Variants in CLIP1 observed in about 807,000 individuals in gnomAD.
CLIP1 encodes the protein CAP-Gly domain-containing linker protein 1.
In CLIP1, 66 loss-of-function variants were observed where a neutral mutation model predicts 161.6. The observed-to-expected ratio is 0.41, with a 90% CI of 0.33 to 0.50. The LOEUF is 0.50. Ranked by LOEUF, CLIP1 falls within the 20% of genes least tolerant of loss-of-function variation. The probability of loss-of-function intolerance (pLI) is 0.27; values close to 1 mark genes in which losing one functional copy is unlikely to be tolerated. For missense variants in CLIP1, 1,376 were observed against 1,702.0 expected, an observed-to-expected ratio of 0.81 and a Z score of 3.37; for synonymous variants, 598 against 626.2, an observed-to-expected ratio of 0.96 and a Z score of 0.67.
chr12:122,290,799 A>C (rs1324322896), intron 20 of CLIP1, among the ~76,000 whole-genome samples: 1 of 152,112 alleles, frequency 6.6e-6, no homozygotes, highest in African/African-American at 2.4e-5. Context: ...CTTCTGGTCC[A>C]GGATTATTAC....
intron 2 of CLIP1, among the ~76,000 whole-genome samples, chr12:122,378,317 C>T (rs543024560): frequency 6.6e-5 from 10 of 152,252 alleles, no homozygotes; most frequent in Non-Finnish European, 1.2e-4. Flanking sequence ...AAACTCCTGA[C>T]CTCAGGTGAA....
intron 1 of CLIP1, among the ~76,000 whole-genome samples, chr12:122,403,437 T>C (rs1028668427): frequency 6.7e-6 from 1 of 149,716 alleles, no homozygotes; most frequent in Non-Finnish European, 1.5e-5. Context: ...TCAAAGCACA[T>C]GAAAGGAACC....
intron 20 of CLIP1, among the ~76,000 whole-genome samples, chr12:122,307,895 C>T (rs1251714431): frequency 6.6e-6 from 1 of 152,228 alleles, no homozygotes; most frequent in Non-Finnish European, 1.5e-5. Context: ...CACATTATTT[C>T]TCCTTCTGAG....
chr12:122,388,673 A>G (rs886989848), intron 1 of CLIP1, among the ~76,000 whole-genome samples: 1 of 152,050 alleles, frequency 6.6e-6, no homozygotes, highest in Non-Finnish European at 1.5e-5. Context: ...GGCTCAAGTG[A>G]TTCACGAACC....
chr12:122,297,879 A>T (rs1950533132), intron 20 of CLIP1, among the ~76,000 whole-genome samples: 1 of 152,162 alleles, frequency 6.6e-6, no homozygotes, highest in South Asian at 2.1e-4. Context: ...CCCATCAGGG[A>T]TCACCACAAC....
At chr12:122,337,786 T>G (rs1593102774) in intron 11 of CLIP1, among the ~76,000 whole-genome samples, 1 of 151,648 alleles carries the variant, frequency 6.6e-6, no homozygotes, top group Admixed American at 6.6e-5. Flanking sequence ...GAGGCAGAGG[T>G]GGGCGGATCA....
In CLIP1 at chr12:122,370,962, AAAAAAAAG is replaced by A. The variant is rs1385112349; in HGVS notation, c.657+6419_657+6426del. Among the ~76,000 whole-genome samples the A allele has an allele frequency of 5.6e-4, 63 of 112,650 alleles. No homozygotes were observed. In the East Asian group the frequency reaches 1.0e-2, roughly 18 times the overall value. The allele number at this position is 112,650 out of a possible 152,430, so 73.9% of individuals were successfully genotyped here. A position where few individuals can be genotyped will look rare whatever the true frequency, so the allele number is the denominator to read the frequency against. On this transcript the variant is annotated intron_variant, in intron 3 of 25. Transcript: ENST00000620786. ...AACAGAGCAGGACTCTGTCTCAAAA[AAAAAAAAG>A]AAAAAAAAAAAAATCACCTCTTCTA...
rs1235797747 is a variant in CLIP1, at chr12:122,341,255, CCAA to C, written c.1946_1948del (p.Leu649_Gly650delinsArg). On this transcript the variant is annotated inframe_deletion, in exon 11 of 26. Coordinates refer to ENST00000620786, the MANE Select transcript of CLIP1 (RefSeq NM_001247997.2). ...TTCAGCAAATTCTGCCGTCTCTGTT[CCAA>C]GCCCTTTGCTGAAAGATACCTTCAG... is the stretch of plus-strand genomic sequence containing the variant. The C allele has an allele frequency of 2.5e-6, 4 of 1,614,074 alleles. No homozygotes were observed. Among genetic ancestry groups the C allele is most frequent in the Non-Finnish European group, 3.4e-6 (4 of 1,180,012 alleles).
intron 13 of CLIP1, 152 bp from the exon 14 acceptor site, chr12:122,334,262 T>C: frequency 1.6e-6 from 1 of 623,378 alleles, no homozygotes; most frequent in Admixed American, 2.7e-5. Context: ...CATGGCTGTG[T>C]CCAGCCTGAA....
At chr12:122,332,388 A>C (rs1952019359) in intron 15 of CLIP1, among the ~76,000 whole-genome samples, 1 of 151,794 alleles carries the variant, frequency 6.6e-6, no homozygotes, top group Non-Finnish European at 1.5e-5. Context: ...CCTGTAAAAT[A>C]TATTATTGTC....
chr12:122,387,593 T>A (rs1238806553), intron 1 of CLIP1, among the ~76,000 whole-genome samples: 1 of 34,836 alleles, frequency 2.9e-5, no homozygotes, highest in Admixed American at 3.6e-4. Flanking sequence ...TATATATATT[T>A]TTTTTTTTTT....
rs1437679538 is a variant in CLIP1 at position 122,311,613 on chromosome 12, C to T, written c.3474-1731G>A. Among the ~76,000 whole-genome samples the T allele has an allele frequency of 2.0e-5, 3 of 151,510 alleles. No homozygotes were observed. The highest frequency in any genetic ancestry group is 1.3e-4 in the Admixed American group (2 of 15,186). ...CCAATTTTTGTATTTTTAGTAGAGA[C>T]GGGGTTTCATCATGTTGGCCAGGAT... On this transcript the variant is annotated intron_variant, in intron 19 of 25. Transcript: ENST00000620786. This position sits in a 1 kb window ranked among gnomAD's most constrained non-coding sequence, Gnocchi z 4.3.
At chr12:122,364,751 C>G (rs1455555847) in intron 3 of CLIP1, 1 of 667,794 alleles carries the variant, frequency 1.5e-6, no homozygotes, top group Non-Finnish European at 2.7e-6. Context: ...GCCTTTCGGC[C>G]GGAACCGCCA....
chr12:122,396,738 T>C (rs1366315551), intron 1 of CLIP1: 1 of 150,146 alleles, frequency 6.7e-6, no homozygotes, highest in Non-Finnish European at 1.5e-5. Context: ...AGAGGGTGGC[T>C]AGCTGTTCAC....
At chr12:122,332,398 C>A (rs900407284) in intron 15 of CLIP1, among the ~76,000 whole-genome samples, 1 of 151,320 alleles carries the variant, frequency 6.6e-6, no homozygotes, top group African/African-American at 2.4e-5. Context: ...ATATTATTGT[C>A]ATTGGTAAAC....
chr12:122,276,827 A>G (rs1955447299), intron 24 of CLIP1: 1 of 192,342 alleles, frequency 5.2e-6, no homozygotes. Context: ...GTTTTGAGAC[A>G]GGGCCTTGCT....
intron 6 of CLIP1, 27 bp from the exon 7 acceptor site, chr12:122,354,583 T>C: frequency 6.3e-7 from 1 of 1,577,942 alleles, no homozygotes; most frequent in African/African-American, 1.3e-5. Flanking sequence ...TGTCGGTAAA[T>C]GGACTATTTC....
chr12:122,409,691 C>G (rs1014667085), intron 1 of CLIP1, among the ~76,000 whole-genome samples: 32 of 151,244 alleles, frequency 2.1e-4, no homozygotes, highest in African/African-American at 7.3e-4. Flanking sequence ...GCCACCACCC[C>G]CAGCTAGTTT....
chr12:122,316,056 A>T (rs1951256366), intron 19 of CLIP1, among the ~76,000 whole-genome samples: 1 of 151,838 alleles, frequency 6.6e-6, no homozygotes. Flanking sequence ...ACATTTCCAA[A>T]TGTTAAGATT....
Sources: gnomAD v4.1 joint callset for allele counts (sites outside exome capture counted in the v4.1 genomes callset) on GRCh38, gnomAD v4.1.1 for gene constraint, Gnocchi (gnomAD v3.1) non-coding constraint, MANE v1.5 for transcripts, NCBI Gene and HGNC (gene_info 2026-07-23, HGNC 2026-07-21) for gene names.